The following RABGAP1L variants were observed in gnomAD, a reference collection of about 807,000 sequenced individuals.
RABGAP1L encodes the protein rab GTPase-activating protein 1-like.
Under a neutral mutation model 137.7 loss-of-function variants are expected in RABGAP1L, and 63 were observed. The observed-to-expected ratio is 0.46, with a 90% CI of 0.37 to 0.56. RABGAP1L has a LOEUF of 0.56. RABGAP1L is among the 20% of genes least tolerant of loss of function. RABGAP1L has a pLI of 0.00. For synonymous variants in RABGAP1L, 431 were observed against 433.7 expected (o/e 0.99, Z 0.08); for missense variants, 1,095 against 1,244.0 (o/e 0.88, Z 1.80).
chr1:174,602,703 CT>C (rs1670505742), intron 13 of RABGAP1L, among the ~76,000 whole-genome samples: 1 of 152,098 alleles, frequency 6.6e-6, no homozygotes, highest in African/African-American at 2.4e-5. Flanking sequence ...ATTCTTTCTT[CT>C]TCTTGATCAG....
chr1:174,850,470 T>C (rs1367702282), intron 19 of RABGAP1L, among the ~76,000 whole-genome samples: 1 of 152,258 alleles, frequency 6.6e-6, no homozygotes, highest in East Asian at 1.9e-4. Context: ...ATATCTTTTA[T>C]ACCTTTTGTG....
At chr1:174,795,028 C>T (rs1299285476) in intron 18 of RABGAP1L, among the ~76,000 whole-genome samples, 1 of 152,094 alleles carries the variant, frequency 6.6e-6, no homozygotes, top group Non-Finnish European at 1.5e-5. Context: ...GAAGAGCATT[C>T]TCAAGTGCAA....
chr1:174,758,387 GT>G (rs1573054666), intron 18 of RABGAP1L, among the ~76,000 whole-genome samples: 1 of 151,362 alleles, frequency 6.6e-6, no homozygotes, highest in East Asian at 1.9e-4. Flanking sequence ...CATTCCCCTG[GT>G]TTCATCTATA....
rs778254093 is a variant in RABGAP1L at position 174,683,515 on chromosome 1, T to C, written c.1825-7T>C. On this transcript the variant is annotated splice_region_variant and splice_polypyrimidine_tract_variant and intron_variant, in intron 14 of 25. Transcript: ENST00000681986. ...ACGATATTTCTTTCTTTTCATCTTT[T>C]CTCTAGGCCTACTCTGTGTATGATG... 6.3e-7 allele frequency: 1 copy of C among 1,584,132 alleles called. No homozygotes were observed. The highest frequency in any genetic ancestry group is 8.6e-7 in the Non-Finnish European group (1 of 1,156,332).
chr1:174,197,582 T>C (rs962122900), intron 1 of RABGAP1L, among the ~76,000 whole-genome samples: 1 of 152,116 alleles, frequency 6.6e-6, no homozygotes, highest in African/African-American at 2.4e-5. Context: ...GTCTGATCTC[T>C]TGTTTTTAAA....
intron 19 of RABGAP1L, among the ~76,000 whole-genome samples, chr1:174,892,896 A>ATTT (rs748971722): frequency 1.4e-4 from 13 of 91,860 alleles, no homozygotes; most frequent in East Asian, 5.9e-4. Flanking sequence ...CACCCAGCTA[A>ATTT]TTTTTTTTTT....
In RABGAP1L at chr1:174,860,712, C is replaced by CA. The variant is rs1317760289; in HGVS notation, c.2340+48760dup. ...TATTGAATTGATATAGTAAGATCTGCAAAAAAAAGTTATTCCAAAATGCTT... is the reference window on the plus strand; with the variant it reads ...TATTGAATTGATATAGTAAGATCTGCAAAAAAAAAGTTATTCCAAAATGCTT... On this transcript the variant is annotated intron_variant, in intron 19 of 25. Coordinates refer to ENST00000681986, the MANE Select transcript of RABGAP1L (RefSeq NM_001366446.1). 4.0e-5 allele frequency among the ~76,000 whole-genome samples: 6 copies of CA among 151,440 alleles called. No individual in the cohort carries two copies. In the East Asian group the frequency reaches 5.8e-4, roughly 15 times the overall value.
chr1:174,227,390 A>G (rs2148492514), intron 3 of RABGAP1L, among the ~76,000 whole-genome samples: 1 of 150,192 alleles, frequency 6.7e-6, no homozygotes, highest in East Asian at 2.0e-4. Context: ...TTTAGTAGAG[A>G]TGGGGTTTCA....
At chr1:174,189,965 C>T (rs758964062) in intron 1 of RABGAP1L, among the ~76,000 whole-genome samples, 2 of 152,130 alleles carry the variant, frequency 1.3e-5, no homozygotes, top group African/African-American at 2.4e-5. Flanking sequence ...ATGTGATTCC[C>T]TGTTCTGCCG....
intron 19 of RABGAP1L, among the ~76,000 whole-genome samples, chr1:174,835,128 G>A (rs1366194745): frequency 6.6e-6 from 1 of 152,102 alleles, no homozygotes; most frequent in African/African-American, 2.4e-5. Flanking sequence ...AGACTTGAGA[G>A]TGAGTAAAAT....
At chr1:174,963,065 C>A (rs1213921475) in intron 20 of RABGAP1L, among the ~76,000 whole-genome samples, 1 of 151,758 alleles carries the variant, frequency 6.6e-6, no homozygotes, top group African/African-American at 2.4e-5. Context: ...TGCCACTGGA[C>A]TCCTGCCTGG....
At chr1:174,580,585 A>G (rs918524163) in intron 13 of RABGAP1L, among the ~76,000 whole-genome samples, 1 of 152,080 alleles carries the variant, frequency 6.6e-6, no homozygotes, top group Non-Finnish European at 1.5e-5. Flanking sequence ...AACAATGAGA[A>G]CACATGGACA....
intron 18 of RABGAP1L, among the ~76,000 whole-genome samples, chr1:174,790,633 A>AAG (rs1687781764): frequency 6.6e-6 from 1 of 151,218 alleles, no homozygotes; most frequent in South Asian, 2.1e-4. Flanking sequence ...AAAAAAAAAA[A>AAG]GAAAAGAGAA....
chr1:174,634,987 T>A (rs1163127293), intron 13 of RABGAP1L, among the ~76,000 whole-genome samples: 25 of 148,884 alleles, frequency 1.7e-4, no homozygotes, highest in South Asian at 2.1e-4. Flanking sequence ...TACATATGTA[T>A]CTAACCTGCA....
chr1:174,708,889 C>T (rs907695011), intron 17 of RABGAP1L, among the ~76,000 whole-genome samples: 13 of 152,162 alleles, frequency 8.5e-5, no homozygotes, highest in Admixed American at 7.2e-4. Context: ...GCAGAACCTA[C>T]CCCCATGGCA....
chr1:174,903,428 T>C (rs1465229181), intron 19 of RABGAP1L, among the ~76,000 whole-genome samples: 2 of 152,232 alleles, frequency 1.3e-5, no homozygotes, highest in Non-Finnish European at 2.9e-5. Context: ...GCATTTTTCT[T>C]TATCACAGAC....
intron 18 of RABGAP1L, among the ~76,000 whole-genome samples, chr1:174,800,933 A>C (rs990716947): frequency 6.6e-6 from 1 of 152,040 alleles, no homozygotes; most frequent in African/African-American, 2.4e-5. Flanking sequence ...TGCCAATTTG[A>C]TTGTTGTTTT....
intron 17 of RABGAP1L, among the ~76,000 whole-genome samples, chr1:174,716,749 C>T (rs528257929): frequency 2.0e-5 from 3 of 152,230 alleles, no homozygotes; most frequent in African/African-American, 7.2e-5. Flanking sequence ...CCATTTTGCT[C>T]TTCTTAGGAA....
intron 13 of RABGAP1L, chr1:174,544,882 T>G (rs375183390): frequency 1.5e-5 from 3 of 201,240 alleles, no homozygotes; most frequent in Middle Eastern, 1.9e-3. Flanking sequence ...CCAGACCCTG[T>G]TTGCCTGGGT....
Sources: allele counts gnomAD v4.1 joint callset (sites outside exome capture counted in the v4.1 genomes callset), GRCh38; gene constraint gnomAD v4.1.1; transcripts MANE v1.5; gene names NCBI Gene and HGNC (gene_info 2026-07-23, HGNC 2026-07-21).